Variants in CECR2 observed in about 807,000 individuals in gnomAD.
The protein encoded by CECR2 is CECR2 histone acetyl-lysine reader.
CECR2 carries 30 observed loss-of-function variants against 154.5 expected under a neutral mutation model. The ratio of observed to expected loss-of-function variants is 0.19; its 90% confidence interval spans 0.15 to 0.26. The LOEUF is 0.26. Among genes scored for constraint, CECR2 ranks in the 10% least tolerant of loss-of-function variants. The pLI is 1.00. For synonymous variants in CECR2, 725 were observed against 683.7 expected (o/e 1.06, Z -0.94); for missense variants, 1,743 against 1,829.3 (o/e 0.95, Z 0.86).
chr22:17,440,857 C>A (rs2054574419), intron 1 of CECR2, among the ~76,000 whole-genome samples: 1 of 150,182 alleles, frequency 6.7e-6, no homozygotes, highest in African/African-American at 2.5e-5. Context: ...ACCAAATGTT[C>A]AAGAAAGTGT....
At chr22:17,491,092 G>A (rs1397907346) in intron 2 of CECR2, among the ~76,000 whole-genome samples, 1 of 152,206 alleles carries the variant, frequency 6.6e-6, no homozygotes, top group Non-Finnish European at 1.5e-5. Context: ...ACTTCATTGT[G>A]TGGATACACA....
chr22:17,476,405 G>T (rs562769995), intron 1 of CECR2, among the ~76,000 whole-genome samples: 1 of 151,878 alleles, frequency 6.6e-6, no homozygotes, highest in African/African-American at 2.4e-5. Context: ...GGGATCACAG[G>T]TGCGTGCCAC....
At chr22:17,446,759 G>A (rs1014622150) in intron 1 of CECR2, among the ~76,000 whole-genome samples, 1 of 151,936 alleles carries the variant, frequency 6.6e-6, no homozygotes, top group Non-Finnish European at 1.5e-5. Flanking sequence ...ACAAAAGAGT[G>A]AGCAGCAGCA....
rs1183942669 is a variant in CECR2 at position 17,548,023 on chromosome 22, A to G, written c.2861-125A>G. The G allele has an allele frequency of 1.2e-5, 11 of 901,484 alleles. No individual in the cohort carries two copies. The Admixed American group carries it at 2.3e-4, about 19-fold the overall frequency. The allele number at this position is 901,484 out of a possible 1,614,324, so 55.8% of individuals were successfully genotyped here. On this transcript the variant is annotated intron_variant, in intron 16 of 18. Transcript: ENST00000262608. ...CCTGCCCTCTTTCAGGGACTCAAAC[A>G]ATTTCCAGGTGGGGCTTGAATCACC...
chr22:17,521,661 A>G (rs1031878144), intron 8 of CECR2, among the ~76,000 whole-genome samples: 5 of 152,228 alleles, frequency 3.3e-5, no homozygotes, highest in African/African-American at 1.2e-4. Flanking sequence ...GCCCTTTGTC[A>G]GATGAGTAGA....
At chr22:17,522,552 G>T (rs1335496835) in intron 8 of CECR2, among the ~76,000 whole-genome samples, 1 of 152,166 alleles carries the variant, frequency 6.6e-6, no homozygotes, top group Non-Finnish European at 1.5e-5. Flanking sequence ...TTTTATGGTT[G>T]TTATTTAATT....
At chr22:17,393,756 G>A (rs918789097) in intron 1 of CECR2, among the ~76,000 whole-genome samples, 1 of 152,132 alleles carries the variant, frequency 6.6e-6, no homozygotes, top group African/African-American at 2.4e-5. Flanking sequence ...GCTTAATGAT[G>A]TTGAGCACCT....
chr22:17,428,826 G>GTGTGTGTGTGTGTGTGTGTATATATA (rs369291932), intron 1 of CECR2, among the ~76,000 whole-genome samples: 1 of 150,594 alleles, frequency 6.6e-6, no homozygotes, highest in African/African-American at 2.5e-5. Context: ...GTGTGTGTGT[G>GTGTGTGTGTGTGTGTGTGTATATATA]TATATAAAGG....
At chr22:17,479,765 CTTTT>C (rs571664926) in intron 2 of CECR2, among the ~76,000 whole-genome samples, 4 of 117,058 alleles carry the variant, frequency 3.4e-5, no homozygotes, top group Non-Finnish European at 1.7e-5. Context: ...TGTGGTCTTT[CTTTT>C]TTTTTTTTTT....
At chr22:17,530,590 T>C (rs1271964919) in intron 9 of CECR2, among the ~76,000 whole-genome samples, 1 of 151,708 alleles carries the variant, frequency 6.6e-6, no homozygotes, top group East Asian at 1.9e-4. Flanking sequence ...GACAGGAGAA[T>C]TGCTTGAATT....
intron 1 of CECR2, among the ~76,000 whole-genome samples, chr22:17,390,044 T>A (rs1482855306): frequency 6.6e-6 from 1 of 152,144 alleles, no homozygotes; most frequent in Non-Finnish European, 1.5e-5. Context: ...TATATATAAT[T>A]TGTACATTAT....
chr22:17,483,136 AGTAATATT>A (rs1482631195), intron 2 of CECR2, among the ~76,000 whole-genome samples: 1 of 152,278 alleles, frequency 6.6e-6, no homozygotes, highest in African/African-American at 2.4e-5. Context: ...GGTGGAAGAC[AGTAATATT>A]GATGATCCTG....
intron 1 of CECR2, among the ~76,000 whole-genome samples, chr22:17,446,117 A>G (rs1276347833): frequency 6.6e-6 from 1 of 152,116 alleles, no homozygotes; most frequent in Non-Finnish European, 1.5e-5. Context: ...CTCCAGACCT[A>G]GATGAATCAA....
chr22:17,511,518 A>ATTT (rs36060157), intron 7 of CECR2, among the ~76,000 whole-genome samples: 1 of 146,468 alleles, frequency 6.8e-6, no homozygotes, highest in African/African-American at 2.5e-5. Context: ...TGGGAAGATA[A>ATTT]TTTTTTTTTT....
chr22:17,386,683 C>A (rs2063265664), intron 1 of CECR2, among the ~76,000 whole-genome samples: 2 of 148,056 alleles, frequency 1.4e-5, no homozygotes, highest in Non-Finnish European at 3.0e-5. Flanking sequence ...GACGGAGTTT[C>A]ACTCTTGTCC....
intron 13 of CECR2, among the ~76,000 whole-genome samples, chr22:17,539,807 G>T (rs1396601300): frequency 6.6e-6 from 1 of 152,028 alleles, no homozygotes; most frequent in African/African-American, 2.4e-5. Flanking sequence ...TAGCCTTAAA[G>T]AATTAAATTT....
chr22:17,440,096 T>G (rs941433377), intron 1 of CECR2, among the ~76,000 whole-genome samples: 4 of 151,956 alleles, frequency 2.6e-5, no homozygotes, highest in African/African-American at 9.7e-5. Context: ...AAAGTATACT[T>G]GTTTGTATAT....
chr22:17,478,470 C>T lies in CECR2; in HGVS notation c.221+788C>T, dbSNP rs535721089. On this transcript the variant is annotated intron_variant, in intron 2 of 18. Transcript: ENST00000262608. ...TCCCAGGTTCACGCCATTCTCCTGC[C>T]TCAGCCTCTCGAGTAGCTGGGACTA... Among the ~76,000 whole-genome samples, 1,027 of 151,876 alleles carry T rather than the reference C, an allele frequency of 6.8e-3. 5 individuals carry two copies. Among genetic ancestry groups the T allele is most frequent in the Non-Finnish European group, 0.011 (770 of 67,962 alleles).
At chr22:17,552,202 A>G (rs1452575131) in intron 18 of CECR2, 60 bp downstream of exon 18, 2 of 1,439,282 alleles carry the variant, frequency 1.4e-6, no homozygotes, top group Non-Finnish European at 2.0e-6. Flanking sequence ...AAGTAAGTAT[A>G]TGACAACCTT....
Sources: gnomAD v4.1 joint callset for allele counts (sites outside exome capture counted in the v4.1 genomes callset) on GRCh38, gnomAD v4.1.1 for gene constraint, MANE v1.5 for transcripts, NCBI Gene and HGNC (gene_info 2026-07-23, HGNC 2026-07-21) for gene names.